Variants in DOK5 observed in about 807,000 individuals in gnomAD.
DOK5 encodes the protein docking protein 5.
In DOK5, 27 loss-of-function variants were observed where a neutral mutation model predicts 43.3. That is an observed-to-expected ratio of 0.62 (90% CI 0.46 to 0.86). The LOEUF is 0.86. Among genes scored for constraint, DOK5 ranks in the 40% least tolerant of loss-of-function variants. The pLI, the probability that DOK5 is intolerant of heterozygous loss-of-function variation, is 0.00. For missense variants in DOK5, 373 were observed against 392.9 expected, an observed-to-expected ratio of 0.95 and a Z score of 0.43; for synonymous variants, 146 against 140.1, an observed-to-expected ratio of 1.04 and a Z score of -0.30.
At chr20:54,533,126 A>C (rs953844905) in intron 1 of DOK5, among the ~76,000 whole-genome samples, 4 of 152,152 alleles carry the variant, frequency 2.6e-5, no homozygotes, top group Non-Finnish European at 5.9e-5. Context: ...CCTTTTCTCA[A>C]CTTCAACACC....
intron 1 of DOK5, among the ~76,000 whole-genome samples, chr20:54,477,193 CT>C (rs1981466816): frequency 6.6e-6 from 1 of 152,122 alleles, no homozygotes; most frequent in Non-Finnish European, 1.5e-5. Flanking sequence ...GCATCTTTCT[CT>C]TACTTGGTCT....
chr20:54,633,072 AAAAACAAAAC>A (rs529510578), intron 6 of DOK5, among the ~76,000 whole-genome samples: 57 of 147,580 alleles, frequency 3.9e-4, no homozygotes, highest in African/African-American at 1.1e-3. Flanking sequence ...ACTCCATCTC[AAAAACAAAAC>A]AAAACAAAAC....
At chr20:54,522,214 TA>T (rs550518861) in intron 1 of DOK5, among the ~76,000 whole-genome samples, 21 of 151,862 alleles carry the variant, frequency 1.4e-4, no homozygotes, top group Non-Finnish European at 2.4e-4. Context: ...TGATGAGCTT[TA>T]AAAAAAAGCA....
chr20:54,624,916 G>A (rs1291467024), intron 6 of DOK5, among the ~76,000 whole-genome samples: 1 of 151,814 alleles, frequency 6.6e-6, no homozygotes, highest in Non-Finnish European at 1.5e-5. Flanking sequence ...CATTGTTTCT[G>A]CCAGAGTCTG....
chr20:54,605,132 C>CAA (rs1240179446), intron 5 of DOK5, among the ~76,000 whole-genome samples: 6 of 147,882 alleles, frequency 4.1e-5, no homozygotes, highest in African/African-American at 1.5e-4. Flanking sequence ...CACACAAACA[C>CAA]ACACAGAGAG....
chr20:54,514,356 G>A (rs1450881795), intron 1 of DOK5, among the ~76,000 whole-genome samples: 2 of 152,150 alleles, frequency 1.3e-5, no homozygotes, highest in Non-Finnish European at 2.9e-5. Flanking sequence ...GTTTGTAGGA[G>A]TCCAAGGTCA....
Position 54,476,044 on chromosome 20 carries a change from G to T in DOK5, c.66+32G>T, listed in dbSNP as rs1356049816. ...ATCGATCCTCTCCGTGTTGCTGTTCGCCGGTTCGATTGTCTCTCTCTTGAG... is the reference window on the plus strand; with the variant it reads ...ATCGATCCTCTCCGTGTTGCTGTTCTCCGGTTCGATTGTCTCTCTCTTGAG... On this transcript the variant is annotated intron_variant, in intron 1 of 7. Coordinates refer to ENST00000262593, the MANE Select transcript of DOK5 (RefSeq NM_018431.5). The T allele has an allele frequency of 1.9e-6, 3 of 1,610,310 alleles. No individual in the cohort carries two copies. The Admixed American group carries it at 5.0e-5, about 27-fold the overall frequency.
At chr20:54,515,189 T>A (rs1983156120) in intron 1 of DOK5, among the ~76,000 whole-genome samples, 1 of 152,132 alleles carries the variant, frequency 6.6e-6, no homozygotes, top group Non-Finnish European at 1.5e-5. Flanking sequence ...TTTTCCTATT[T>A]TTAGTAGATA....
intron 1 of DOK5, among the ~76,000 whole-genome samples, chr20:54,503,501 T>TGTCA (rs151302510): frequency 0.015 from 2,290 of 152,222 alleles, 47 homozygotes; most frequent in African/African-American, 0.052. Flanking sequence ...GTTTCCCAAA[T>TGTCA]GTCATTTATT....
chr20:54,592,811 C>T (rs1361401354), intron 5 of DOK5, among the ~76,000 whole-genome samples: 1 of 152,064 alleles, frequency 6.6e-6, no homozygotes, highest in Non-Finnish European at 1.5e-5. Context: ...GGATTACCGG[C>T]GTGAGCCACC....
chr20:54,544,561 A>G (rs1379150087), intron 1 of DOK5, among the ~76,000 whole-genome samples: 1 of 152,230 alleles, frequency 6.6e-6, no homozygotes, highest in African/African-American at 2.4e-5. Flanking sequence ...TTGTCAAGAC[A>G]GAGGAATTGC....
At chr20:54,485,578 G>A (rs1568748822) in intron 1 of DOK5, among the ~76,000 whole-genome samples, 1 of 152,174 alleles carries the variant, frequency 6.6e-6, no homozygotes, top group Non-Finnish European at 1.5e-5. Context: ...GTTGTTTCTG[G>A]TTTTTGGCTA....
chr20:54,480,400 C>T (rs759810102), intron 1 of DOK5, among the ~76,000 whole-genome samples: 1 of 152,168 alleles, frequency 6.6e-6, no homozygotes, highest in Admixed American at 6.5e-5. Flanking sequence ...TGCTACGTGG[C>T]GCTACCCCCA....
chr20:54,508,494 G>A (rs1982897026), intron 1 of DOK5, among the ~76,000 whole-genome samples: 1 of 151,268 alleles, frequency 6.6e-6, no homozygotes, highest in Non-Finnish European at 1.5e-5. Flanking sequence ...AGTGGGTAAG[G>A]TGATGGTGAG....
At chr20:54,635,361 A>T (rs73146076) in intron 6 of DOK5, among the ~76,000 whole-genome samples, 1 of 152,136 alleles carries the variant, frequency 6.6e-6, no homozygotes, top group Admixed American at 6.5e-5. Context: ...GAATTAACTA[A>T]GAGTCTGGTG....
At position 54,523,292 on chromosome 20, in the gene DOK5, C is replaced by T. The variant is rs558095784; in HGVS notation, c.67-31641C>T. On this transcript the variant is annotated intron_variant, in intron 1 of 7. Transcript: ENST00000262593. ...AAATAACTTTATTTTTTGGGCTGGGCATGGTGGCTCAAGCCTGTAATCCCA... is the reference window on the plus strand; with the variant it reads ...AAATAACTTTATTTTTTGGGCTGGGTATGGTGGCTCAAGCCTGTAATCCCA... Among the ~76,000 whole-genome samples the T allele has an allele frequency of 2.0e-3, 309 of 152,248 alleles. 2 individuals carry two copies. The highest frequency in any genetic ancestry group is 2.1e-3 in the South Asian group (10 of 4,818).
intron 2 of DOK5, among the ~76,000 whole-genome samples, chr20:54,573,637 A>G (rs1464853691): frequency 6.7e-6 from 1 of 149,686 alleles, no homozygotes; most frequent in Non-Finnish European, 1.5e-5. Context: ...CGGTGAGCCA[A>G]GATTGCACCA....
chr20:54,606,351 A>C (rs1345723510), intron 5 of DOK5, among the ~76,000 whole-genome samples: 1 of 152,180 alleles, frequency 6.6e-6, no homozygotes, highest in Non-Finnish European at 1.5e-5. Context: ...ACTTGGGGCC[A>C]CTTTGGATAC....
intron 2 of DOK5, among the ~76,000 whole-genome samples, chr20:54,584,861 C>T (rs1306699850): frequency 6.6e-6 from 1 of 151,520 alleles, no homozygotes; most frequent in East Asian, 1.9e-4. Context: ...CCTTTCATTT[C>T]AACTTGAAGA....
Sources: gnomAD v4.1 joint callset for allele counts (sites outside exome capture counted in the v4.1 genomes callset) on GRCh38, gnomAD v4.1.1 for gene constraint, MANE v1.5 for transcripts, NCBI Gene and HGNC (gene_info 2026-07-23, HGNC 2026-07-21) for gene names.